The following RFX2 variants were observed in gnomAD, a reference collection of about 807,000 sequenced individuals.
RFX2 encodes regulatory factor X2, also known as DNA-binding protein RFX2.
In RFX2, 20 loss-of-function variants were observed where a neutral mutation model predicts 87.8. The ratio of observed to expected loss-of-function variants is 0.23; its 90% CI spans 0.16 to 0.33. The LOEUF is 0.33. Among genes scored for constraint, RFX2 ranks in the 10% least tolerant of loss-of-function variants. RFX2 has a pLI of 1.00. For missense variants in RFX2, 767 were observed against 1,012.3 expected (o/e 0.76, Z 3.29); for synonymous variants, 397 against 431.3 (o/e 0.92, Z 0.98).
rs1156483792 is a variant in RFX2 at position 6,107,616 on chromosome 19, C to CAAAAAAAAAAAAAA, written c.-9+2763_-9+2776dup. Among the ~76,000 whole-genome samples the CAAAAAAAAAAAAAA allele has an allele frequency of 8.6e-4, 27 of 31,556 alleles. 3 individuals carry two copies. The highest frequency in any genetic ancestry group is 1.7e-3 in the African/African-American group (14 of 8,078). 20.7% of individuals were successfully genotyped at this position (31,556 alleles called of 152,430 possible). A position where few individuals can be genotyped will look rare whatever the true frequency, so the allele number is the denominator to read the frequency against. ...TGGGTGACAGAGTGAGACCCTGTCT[C>CAAAAAAAAAAAAAA]AAAAAAAAAAAAAAAAAAAAAAAAA... On this transcript the variant is annotated intron_variant, in intron 1 of 17. Coordinates refer to ENST00000303657, the MANE Select transcript of RFX2 (RefSeq NM_000635.4).
chr19:6,053,002 G>A (rs2087285726), intron 1 of RFX2, among the ~76,000 whole-genome samples: 1 of 151,898 alleles, frequency 6.6e-6, no homozygotes, highest in African/African-American at 2.4e-5. Flanking sequence ...AAAGATTTAA[G>A]AACGTTTTCA....
At position 6,050,033 on chromosome 19, in the gene RFX2, G is replaced by T. The variant is rs1309218584; in HGVS notation, c.-8-2529C>A. Among the ~76,000 whole-genome samples the T allele has an allele frequency of 6.6e-6, 1 of 152,242 alleles. No homozygotes were observed. The highest frequency in any genetic ancestry group is 1.5e-5 in the Non-Finnish European group (1 of 68,036). ...TGGAAGAGAGAGAGCCACAGAAGGG[G>T]TGAGCCCTCAAATCTTCCTACAAAA... On this transcript the variant is annotated intron_variant, in intron 1 of 17. Coordinates refer to ENST00000303657, the MANE Select transcript of RFX2 (RefSeq NM_000635.4). This position sits in a 1 kb window ranked among gnomAD's most constrained non-coding sequence, Gnocchi z 4.6.
At chr19:6,058,673 G>A (rs2087383487) in intron 1 of RFX2, among the ~76,000 whole-genome samples, 1 of 151,880 alleles carries the variant, frequency 6.6e-6, no homozygotes, top group African/African-American at 2.4e-5. Context: ...CTGAAATCAA[G>A]TATCTTCAGA....
intron 1 of RFX2, among the ~76,000 whole-genome samples, chr19:6,096,411 C>T (rs570172585): frequency 6.6e-6 from 1 of 151,846 alleles, no homozygotes; most frequent in Admixed American, 6.5e-5. Context: ...GTTGATACTG[C>T]GCACACTCTC....
rs766605111 is a variant in RFX2, at chr19:6,061,032, AG to A, written c.-8-13529del. ...TTGCTCCTCTTGCGTTTCCTAAGCC[AG>A]GGGGCTGTTCAAGGCACTGGGCATC... On this transcript the variant is annotated intron_variant, in intron 1 of 17. Coordinates refer to ENST00000303657, the MANE Select transcript of RFX2 (RefSeq NM_000635.4). This position sits in a 1 kb window ranked among gnomAD's most constrained non-coding sequence, Gnocchi z 5.2. Among the ~76,000 whole-genome samples the A allele has an allele frequency of 2.6e-5, 4 of 152,114 alleles. No individual in the cohort carries two copies. The highest frequency in any genetic ancestry group is 5.9e-5 in the Non-Finnish European group (4 of 68,010).
At chr19:6,049,076 A>T (rs986324293) in intron 1 of RFX2, 3 of 152,206 alleles carry the variant, frequency 2.0e-5, no homozygotes, top group African/African-American at 7.2e-5. Flanking sequence ...AAAGATTGTA[A>T]ATTTCCCATA....
Position 6,106,471 on chromosome 19 carries a change from G to T in RFX2, c.-9+3922C>A, listed in dbSNP as rs115303926. Among the ~76,000 whole-genome samples, 739 of 152,236 alleles carry T rather than the reference G, an allele frequency of 4.9e-3. 9 individuals carry two copies. The highest frequency in any genetic ancestry group is 0.017 in the African/African-American group (706 of 41,528). ...AACTGGCAATTTTTTTGTAAATTTG[G>T]CATGGACTCACTTGGTGACAAAAGC... is the stretch of plus-strand genomic sequence containing the variant. On this transcript the variant is annotated intron_variant, in intron 1 of 17. Coordinates refer to ENST00000303657, the MANE Select transcript of RFX2 (RefSeq NM_000635.4).
In RFX2 at chr19:5,993,585, A is replaced by G. The variant is rs529912504; in HGVS notation, c.*1250T>C. 2 of 152,302 alleles carry G rather than the reference A, an allele frequency of 1.3e-5. No individual in the cohort carries two copies. Among genetic ancestry groups the G allele is most frequent in the South Asian group, 4.1e-4 (2 of 4,824 alleles). 9.4% of individuals were successfully genotyped at this position (152,302 alleles called of 1,614,324 possible). A position where few individuals can be genotyped will look rare whatever the true frequency, so the allele number is the denominator to read the frequency against. ...AGCGCACAAAACTATTGGTATAAAC[A>G]TTTTTCCAAAAAGAGAAAACTATTG... On this transcript the variant is annotated 3_prime_UTR_variant, in exon 18 of 18. Transcript: ENST00000303657.
At chr19:6,082,700 T>C (rs1183320139) in intron 1 of RFX2, among the ~76,000 whole-genome samples, 2 of 152,136 alleles carry the variant, frequency 1.3e-5, no homozygotes, top group Admixed American at 1.3e-4. Context: ...CCCAAAGTGT[T>C]GGGATTACAG....
chr19:6,009,052 T>C (rs1179927990), intron 9 of RFX2, among the ~76,000 whole-genome samples: 1 of 152,066 alleles, frequency 6.6e-6, no homozygotes, highest in Non-Finnish European at 1.5e-5. Flanking sequence ...CCCAGGAACA[T>C]TAAATATGCA....
intron 7 of RFX2, 148 bp downstream of exon 7, chr19:6,015,942 C>A: frequency 1.5e-6 from 1 of 645,348 alleles, no homozygotes; most frequent in Non-Finnish European, 2.4e-6. Context: ...GCCAAGGCTG[C>A]CGCCAATTGA....
At chr19:6,108,377 G>A (rs990771373) in intron 1 of RFX2, among the ~76,000 whole-genome samples, 6 of 152,194 alleles carry the variant, frequency 3.9e-5, no homozygotes, top group Non-Finnish European at 7.3e-5. Context: ...TTATCCAGAA[G>A]GACGGGAGGT....
chr19:6,024,127 C>G lies in RFX2; in HGVS notation c.597+2036G>C, dbSNP rs1230126006. On this transcript the variant is annotated intron_variant, in intron 6 of 17. Coordinates refer to ENST00000303657, the MANE Select transcript of RFX2 (RefSeq NM_000635.4). This position sits in a 1 kb window ranked among gnomAD's most constrained non-coding sequence, Gnocchi z 5.0. ...CTCTCCCGTGGACTTGCTGCCTGTC[C>G]AGGCTCTGCACCCCCATCCTGCCTG... Among the ~76,000 whole-genome samples, 1 of 152,220 alleles carries G rather than the reference C, an allele frequency of 6.6e-6. No individual in the cohort carries two copies. Among genetic ancestry groups the G allele is most frequent in the Non-Finnish European group, 1.5e-5 (1 of 68,038 alleles).
At position 6,021,779 on chromosome 19, in the gene RFX2, C is replaced by G. The variant is rs1455243767; in HGVS notation, c.597+4384G>C. Among the ~76,000 whole-genome samples the G allele has an allele frequency of 6.6e-6, 1 of 152,170 alleles. No homozygotes were observed. Among genetic ancestry groups the G allele is most frequent in the Non-Finnish European group, 1.5e-5 (1 of 68,018 alleles). ...GTTCTACTTGGAGGGCCAAGGGGAG[C>G]CCTGGAGGCTTCCAAGCAGAGCAGT... On this transcript the variant is annotated intron_variant, in intron 6 of 17. Transcript: ENST00000303657. The surrounding 1 kb of genome is among the most constrained non-coding windows in gnomAD (Gnocchi z 5.7).
rs1256402503 is a variant in RFX2 at position 6,026,470 on chromosome 19, C to G, written c.523-233G>C. The stretch of plus-strand genomic sequence containing the variant: ...CACGTAGGTAAGCCCGAGAGCCCGT[C>G]CAACAGAAGCAGCAGAAATCATGTT... On this transcript the variant is annotated intron_variant, in intron 5 of 17. Coordinates refer to ENST00000303657, the MANE Select transcript of RFX2 (RefSeq NM_000635.4). This position sits in a 1 kb window ranked among gnomAD's most constrained non-coding sequence, Gnocchi z 4.5. 1 of 575,738 alleles carries G rather than the reference C, an allele frequency of 1.7e-6. No individual in the cohort carries two copies. The highest frequency in any genetic ancestry group is 3.1e-6 in the Non-Finnish European group (1 of 324,060). 35.7% of individuals were successfully genotyped at this position (575,738 alleles called of 1,614,324 possible). A position where few individuals can be genotyped will look rare whatever the true frequency, so the allele number is the denominator to read the frequency against.
intron 1 of RFX2, among the ~76,000 whole-genome samples, chr19:6,094,467 A>C (rs938078972): frequency 6.6e-6 from 1 of 152,196 alleles, no homozygotes; most frequent in African/African-American, 2.4e-5. Flanking sequence ...AGGTGGACCC[A>C]CGCTACTCAG....
chr19:6,052,152 AG>A, intron 1 of RFX2, among the ~76,000 whole-genome samples: 1 of 152,210 alleles, frequency 6.6e-6, no homozygotes, highest in Non-Finnish European at 1.5e-5. Context: ...CTGGGATTAC[AG>A]GTGTGAGCGC....
At chr19:6,005,267 T>C (rs937559628) in intron 12 of RFX2, among the ~76,000 whole-genome samples, 2 of 152,244 alleles carry the variant, frequency 1.3e-5, no homozygotes, top group Non-Finnish European at 2.9e-5. Flanking sequence ...CTGTTTCCCA[T>C]CTTCCAGCAA....
chr19:6,099,047 A>G (rs1440060923), intron 1 of RFX2, among the ~76,000 whole-genome samples: 1 of 152,106 alleles, frequency 6.6e-6, no homozygotes, highest in Non-Finnish European at 1.5e-5. Flanking sequence ...TCAGAGCAAA[A>G]AGGAGAATTC....
Sources: allele counts gnomAD v4.1 joint callset (sites outside exome capture counted in the v4.1 genomes callset), GRCh38; gene constraint gnomAD v4.1.1; non-coding constraint Gnocchi (gnomAD v3.1); transcripts MANE v1.5; gene names NCBI Gene and HGNC (gene_info 2026-07-23, HGNC 2026-07-21).